The following ANKRD13C variants were observed in gnomAD, a reference collection of about 807,000 sequenced individuals.
ANKRD13C encodes the protein ankyrin repeat domain 13C.
A neutral mutation model predicts 65.5 loss-of-function variants in ANKRD13C; 16 were observed. That is an observed-to-expected ratio of 0.24 (90% CI 0.17 to 0.37). ANKRD13C has a LOEUF of 0.37. Among genes scored for constraint, ANKRD13C ranks in the 10% least tolerant of loss-of-function variants. The pLI, the probability that ANKRD13C is intolerant of heterozygous loss-of-function variation, is 1.00. For synonymous variants in ANKRD13C, 235 were observed against 238.7 expected (o/e 0.98, Z 0.14); for missense variants, 503 against 655.9 (o/e 0.77, Z 2.55).
chr1:70,349,408 T>G (rs564806674), intron 1 of ANKRD13C, among the ~76,000 whole-genome samples: 2 of 152,178 alleles, frequency 1.3e-5, no homozygotes, highest in East Asian at 3.9e-4. Flanking sequence ...ATACAACATA[T>G]ACATGATTTT....
intron 11 of ANKRD13C, among the ~76,000 whole-genome samples, chr1:70,273,898 C>T (rs903864572): frequency 6.6e-6 from 1 of 151,686 alleles, no homozygotes; most frequent in Non-Finnish European, 1.5e-5. Flanking sequence ...TCAGATGATC[C>T]GCCCACCTTG....
Position 70,354,377 on chromosome 1 carries a change from C to T in ANKRD13C, c.32G>A (p.Arg11Lys), listed in dbSNP as rs867149739. 1.2e-6 allele frequency: 2 copies of T among 1,613,842 alleles called. No individual in the cohort carries two copies. The highest frequency in any genetic ancestry group is 2.7e-5 in the African/African-American group (2 of 74,926). ...TTCTTCTTTGCTGGGCTTGTGGTCC[C>T]TCCGCAGTGAGCGGATCTTCTCCCC... is the stretch of plus-strand genomic sequence containing the variant. MTGEKIRSLR[R>K]DHKPSKEEGD... The change falls in exon 1 of 13, where the codon AGG becomes AAG. Residue 11 changes from arginine to lysine, a missense_variant. Coordinates refer to ENST00000370944, the MANE Select transcript of ANKRD13C (RefSeq NM_030816.5).
chr1:70,262,942 G>GAAAAAAAAA, intron 12 of ANKRD13C, 95 bp from the exon 13 acceptor site: 1 of 315,448 alleles, frequency 3.2e-6, no homozygotes, highest in Admixed American at 7.4e-5. Flanking sequence ...TCCTTAAAAT[G>GAAAAAAAAA]TAAAAAAAAA....
intron 10 of ANKRD13C, among the ~76,000 whole-genome samples, chr1:70,276,082 C>G (rs1437733284): frequency 5.3e-5 from 8 of 151,232 alleles, no homozygotes; most frequent in Admixed American, 5.3e-4. Flanking sequence ...TAAACAGGAG[C>G]AGGAAAGCAA....
chr1:70,272,167 T>C (rs1678912383), intron 11 of ANKRD13C, among the ~76,000 whole-genome samples: 1 of 151,874 alleles, frequency 6.6e-6, no homozygotes, highest in South Asian at 2.1e-4. Flanking sequence ...AATTTTCTTT[T>C]TTTTTTTTCT....
intron 9 of ANKRD13C, among the ~76,000 whole-genome samples, chr1:70,280,475 C>T (rs1361755372): frequency 6.6e-6 from 1 of 152,070 alleles, no homozygotes; most frequent in African/African-American, 2.4e-5. Context: ...TGGCCAGACA[C>T]AGAAGAGAAA....
At chr1:70,348,172 AG>A (rs1682607011) in intron 1 of ANKRD13C, among the ~76,000 whole-genome samples, 1 of 152,180 alleles carries the variant, frequency 6.6e-6, no homozygotes, top group Non-Finnish European at 1.5e-5. Context: ...GACTAAAAGT[AG>A]AGAAAAAAAT....
intron 2 of ANKRD13C, among the ~76,000 whole-genome samples, chr1:70,331,117 T>C (rs1347637899): frequency 6.6e-6 from 1 of 152,198 alleles, no homozygotes; most frequent in African/African-American, 2.4e-5. Context: ...GTGAACGCCC[T>C]GGGAAATTTT....
At chr1:70,270,735 A>C (rs1678842785) in intron 12 of ANKRD13C, 121 bp downstream of exon 12, 1 of 641,070 alleles carries the variant, frequency 1.6e-6, no homozygotes, top group Non-Finnish European at 2.7e-6. Context: ...CACTCCTAAA[A>C]GGTCACGAAC....
intron 1 of ANKRD13C, among the ~76,000 whole-genome samples, chr1:70,344,297 A>G (rs986652195): frequency 1.4e-5 from 2 of 144,230 alleles, no homozygotes; most frequent in Admixed American, 7.0e-5. Context: ...TTCCATCTCA[A>G]AAAAAAAAAA....
intron 7 of ANKRD13C, among the ~76,000 whole-genome samples, chr1:70,297,287 A>ATTTT (rs748635051): frequency 1.1e-4 from 11 of 98,828 alleles, no homozygotes; most frequent in African/African-American, 1.5e-4. Context: ...TCCCTTTCTG[A>ATTTT]TTTTTTTTTT....
At chr1:70,313,696 C>T in intron 5 of ANKRD13C, 49 bp downstream of exon 5, 1 of 1,368,938 alleles carries the variant, frequency 7.3e-7, no homozygotes, top group Non-Finnish European at 1.0e-6. Flanking sequence ...TTTGTACTTG[C>T]ATTTCTGCAT....
intron 2 of ANKRD13C, among the ~76,000 whole-genome samples, chr1:70,329,153 G>A (rs776922649): frequency 3.9e-5 from 6 of 152,124 alleles, no homozygotes; most frequent in Non-Finnish European, 8.8e-5. Context: ...AAAAAAAGTA[G>A]AGAGATGATG....
intron 9 of ANKRD13C, among the ~76,000 whole-genome samples, chr1:70,284,647 C>T (rs1679539488): frequency 6.6e-6 from 1 of 152,158 alleles, no homozygotes; most frequent in South Asian, 2.1e-4. Flanking sequence ...CATAAAAGTC[C>T]ATCTCTGCTT....
chr1:70,259,654 GCTTTTAC>G lies in ANKRD13C; in HGVS notation c.*3056_*3062del, dbSNP rs1307321970. Among the ~76,000 whole-genome samples, 2 of 152,128 alleles carry G rather than the reference GCTTTTAC, an allele frequency of 1.3e-5. No individual in the cohort carries two copies. Among genetic ancestry groups the G allele is most frequent in the African/African-American group, 4.8e-5 (2 of 41,446 alleles). The stretch of plus-strand genomic sequence containing the variant: ...ATTTATAGTATACAAACAATCATGG[GCTTTTAC>G]CAAGCTTAGTTCTGCTATCTATCTT... On this transcript the variant is annotated 3_prime_UTR_variant, in exon 13 of 13. Coordinates refer to ENST00000370944, the MANE Select transcript of ANKRD13C (RefSeq NM_030816.5).
At chr1:70,313,917 T>C in intron 4 of ANKRD13C, 127 bp from the exon 5 acceptor site, 1 of 578,638 alleles carries the variant, frequency 1.7e-6, no homozygotes. Flanking sequence ...AAGGAAAATA[T>C]GCACCTGTAT....
chr1:70,344,564 T>TTA (rs1030328029), intron 1 of ANKRD13C, among the ~76,000 whole-genome samples: 4 of 152,208 alleles, frequency 2.6e-5, no homozygotes, highest in African/African-American at 9.6e-5. Flanking sequence ...TTCTGATACC[T>TTA]TATTCATTTA....
chr1:70,292,137 T>G (rs1679892533), intron 9 of ANKRD13C: 6 of 244,798 alleles, frequency 2.5e-5, no homozygotes, highest in Middle Eastern at 1.3e-3. Flanking sequence ...ATAATAACAT[T>G]AGGTTTCACG....
chr1:70,287,560 A>AC lies in ANKRD13C; in HGVS notation c.1215+4827dup, dbSNP rs775162316. On this transcript the variant is annotated intron_variant, in intron 9 of 12. Coordinates refer to ENST00000370944, the MANE Select transcript of ANKRD13C (RefSeq NM_030816.5). ...AAAAAGTTCTCAGATTTGGCATGTG[A>AC]CATAAGATAAAAAATGATAAATTCG... is the stretch of plus-strand genomic sequence containing the variant. Among the ~76,000 whole-genome samples the AC allele has an allele frequency of 6.6e-5, 10 of 152,320 alleles. No individual in the cohort carries two copies. In the South Asian group the frequency reaches 1.0e-3, roughly 16 times the overall value.
Sources: gnomAD v4.1 joint callset for allele counts (sites outside exome capture counted in the v4.1 genomes callset) on GRCh38, gnomAD v4.1.1 for gene constraint, MANE v1.5 for transcripts, NCBI Gene and HGNC (gene_info 2026-07-23, HGNC 2026-07-21) for gene names.